ADAMTS6: variants seen among roughly 807,000 people sequenced by gnomAD.
The protein encoded by ADAMTS6 is ADAM metallopeptidase with thrombospondin type 1 motif 6.
A neutral mutation model predicts 144.3 loss-of-function variants in ADAMTS6; 23 were observed. The observed-to-expected ratio is 0.16, with a 90% confidence interval of 0.11 to 0.23. ADAMTS6 has a LOEUF of 0.23. ADAMTS6 is among the 10% of genes least tolerant of loss of function. ADAMTS6 has a pLI of 1.00. For missense variants in ADAMTS6, 999 were observed against 1,379.6 expected (o/e 0.72, Z 4.37); for synonymous variants, 444 against 457.5 (o/e 0.97, Z 0.38).
At chr5:65,348,888 A>G (rs890900701) in intron 7 of ADAMTS6, among the ~76,000 whole-genome samples, 14 of 152,256 alleles carry the variant, frequency 9.2e-5, no homozygotes, top group African/African-American at 3.4e-4. Flanking sequence ...ATACCAGCAT[A>G]TAATGAAAAT....
At chr5:65,220,566 G>C (rs1409246586) in intron 18 of ADAMTS6, among the ~76,000 whole-genome samples, 1 of 152,050 alleles carries the variant, frequency 6.6e-6, no homozygotes, top group Non-Finnish European at 1.5e-5. Flanking sequence ...CTAACACGGT[G>C]AAACCCCGTT....
At chr5:65,327,453 A>G (rs1359526976) in intron 9 of ADAMTS6, among the ~76,000 whole-genome samples, 1 of 151,674 alleles carries the variant, frequency 6.6e-6, no homozygotes, top group Non-Finnish European at 1.5e-5. Context: ...GTCAAACAAC[A>G]TTTTTAAATG....
intron 22 of ADAMTS6, among the ~76,000 whole-genome samples, chr5:65,182,998 T>C (rs1224961733): frequency 6.6e-6 from 1 of 152,176 alleles, no homozygotes; most frequent in African/African-American, 2.4e-5. Context: ...AGCCAGAGTC[T>C]CAACTCTGTT....
intron 7 of ADAMTS6, among the ~76,000 whole-genome samples, chr5:65,438,609 A>G (rs1466822856): frequency 6.6e-6 from 1 of 152,192 alleles, no homozygotes; most frequent in Non-Finnish European, 1.5e-5. Context: ...TCAGAAAACT[A>G]TAGTTGAATC....
At chr5:65,314,308 C>T (rs1456275079) in intron 9 of ADAMTS6, among the ~76,000 whole-genome samples, 3 of 151,820 alleles carry the variant, frequency 2.0e-5, no homozygotes, top group Non-Finnish European at 4.4e-5. Flanking sequence ...AACTGAAATA[C>T]AGAGAGAAAA....
chr5:65,193,894 T>C (rs964691120), intron 21 of ADAMTS6, among the ~76,000 whole-genome samples: 7 of 152,202 alleles, frequency 4.6e-5, no homozygotes, highest in African/African-American at 1.7e-4. Flanking sequence ...AGACTTCAAA[T>C]GTTCCAAATG....
At chr5:65,347,108 G>A (rs758781922) in intron 7 of ADAMTS6, among the ~76,000 whole-genome samples, 15 of 151,800 alleles carry the variant, frequency 9.9e-5, no homozygotes, top group Non-Finnish European at 1.0e-4. Context: ...TTGGCAGAGA[G>A]TGTCCGCACT....
At chr5:65,442,946 T>G (rs1757979465) in intron 7 of ADAMTS6, among the ~76,000 whole-genome samples, 1 of 152,250 alleles carries the variant, frequency 6.6e-6, no homozygotes, top group Non-Finnish European at 1.5e-5. Context: ...TTTCTGTTCC[T>G]GTGTTAGTCT....
chr5:65,279,725 T>C (rs1762843768), intron 11 of ADAMTS6, among the ~76,000 whole-genome samples: 1 of 152,242 alleles, frequency 6.6e-6, no homozygotes, highest in Non-Finnish European at 1.5e-5. Context: ...TCTCTTTTAA[T>C]GTGTATCTTT....
intron 1 of ADAMTS6, among the ~76,000 whole-genome samples, chr5:65,475,922 A>G (rs1760811919): frequency 6.6e-6 from 1 of 151,274 alleles, no homozygotes; most frequent in Non-Finnish European, 1.5e-5. Flanking sequence ...GTAGACTCTG[A>G]TGAGCCCAAT....
rs141483465 is a variant in ADAMTS6 at position 65,397,956 on chromosome 5, A to G, written c.1073+53519T>C. Among the ~76,000 whole-genome samples, 971 of 150,036 alleles carry G rather than the reference A, an allele frequency of 6.5e-3. 14 individuals are homozygous for G. The highest frequency in any genetic ancestry group is 0.022 in the African/African-American group (919 of 40,888). On this transcript the variant is annotated intron_variant, in intron 7 of 24. Transcript: ENST00000381055. ...CTTTCCAGTTATCTTGCTGTGATTGATTTCTAGATTAATTCCATGTGGTTT... is the reference window on the plus strand; with the variant it reads ...CTTTCCAGTTATCTTGCTGTGATTGGTTTCTAGATTAATTCCATGTGGTTT...
chr5:65,187,878 T>G, intron 22 of ADAMTS6, 138 bp downstream of exon 22: 1 of 821,574 alleles, frequency 1.2e-6, no homozygotes, highest in Non-Finnish European at 1.8e-6. Context: ...CAAGCAGCAA[T>G]AAAATATAAC....
At chr5:65,374,161 G>A (rs1256095553) in intron 7 of ADAMTS6, among the ~76,000 whole-genome samples, 2 of 152,064 alleles carry the variant, frequency 1.3e-5, no homozygotes, top group Admixed American at 6.5e-5. Flanking sequence ...CATACTGAAT[G>A]GGCAAAAACT....
chr5:65,346,795 A>T (rs1387888764), intron 7 of ADAMTS6, among the ~76,000 whole-genome samples: 1 of 151,850 alleles, frequency 6.6e-6, no homozygotes, highest in Non-Finnish European at 1.5e-5. Flanking sequence ...TTCAGTAAAT[A>T]CAGAAATAGA....
rs12518405 is a variant in ADAMTS6 at position 65,318,894 on chromosome 5, T to C, written c.1223+10484A>G. Among the ~76,000 whole-genome samples, 3,108 of 152,300 alleles carry C rather than the reference T, an allele frequency of 0.02. 241 individuals carry two copies. In the East Asian group the frequency reaches 0.22, roughly 11 times the overall value. On this transcript the variant is annotated intron_variant, in intron 9 of 24. Transcript: ENST00000381055. ...ACTAAAATAATATAATTGGATTATTTGTAATACAAAGGATACATGCTTGAG... is the reference window on the plus strand; with the variant it reads ...ACTAAAATAATATAATTGGATTATTCGTAATACAAAGGATACATGCTTGAG...
At chr5:65,402,373 T>C (rs1026335463) in intron 7 of ADAMTS6, among the ~76,000 whole-genome samples, 5 of 152,140 alleles carry the variant, frequency 3.3e-5, no homozygotes, top group African/African-American at 1.2e-4. Context: ...TGCTGACTGA[T>C]TTCACTTTAA....
intron 7 of ADAMTS6, among the ~76,000 whole-genome samples, chr5:65,412,966 C>T (rs1755176973): frequency 1.3e-5 from 2 of 152,064 alleles, no homozygotes; most frequent in Admixed American, 1.3e-4. Flanking sequence ...TTATGAATAT[C>T]AAGATTTAGC....
At chr5:65,232,219 T>C (rs1483627052) in intron 15 of ADAMTS6, among the ~76,000 whole-genome samples, 3 of 152,028 alleles carry the variant, frequency 2.0e-5, no homozygotes, top group Non-Finnish European at 4.4e-5. Context: ...GGAGATGCAC[T>C]TCAAGGAAAA....
intron 7 of ADAMTS6, among the ~76,000 whole-genome samples, chr5:65,354,494 G>A (rs1189825537): frequency 6.6e-6 from 1 of 151,604 alleles, no homozygotes; most frequent in Non-Finnish European, 1.5e-5. Context: ...AAATATTTTT[G>A]ACATTTTAAT....
Sources: gnomAD v4.1 joint callset for allele counts (sites outside exome capture counted in the v4.1 genomes callset) on GRCh38, gnomAD v4.1.1 for gene constraint, MANE v1.5 for transcripts, NCBI Gene and HGNC (gene_info 2026-07-23, HGNC 2026-07-21) for gene names.